Variants in FBXL20 observed in about 807,000 individuals in gnomAD.
FBXL20 encodes F-box and leucine rich repeat protein 20.
Under a neutral mutation model 64.0 loss-of-function variants are expected in FBXL20, and 11 were observed. The ratio of observed to expected loss-of-function variants is 0.17; its 90% CI spans 0.11 to 0.28. The LOEUF (loss-of-function observed/expected upper bound fraction) is 0.28. Ranked by LOEUF, FBXL20 falls within the 10% of genes least tolerant of loss-of-function variation. FBXL20 has a pLI of 1.00. For synonymous variants in FBXL20, 184 were observed against 189.0 expected (o/e 0.97, Z 0.22); for missense variants, 303 against 526.2 (o/e 0.58, Z 4.15).
At chr17:39,282,415 T>G (rs1459964554) in intron 8 of FBXL20, among the ~76,000 whole-genome samples, 1 of 152,214 alleles carries the variant, frequency 6.6e-6, no homozygotes, top group African/African-American at 2.4e-5. Flanking sequence ...TATCAGGCAG[T>G]GACAACAAGC....
At chr17:39,327,132 C>T (rs558531296) in intron 2 of FBXL20, among the ~76,000 whole-genome samples, 4 of 152,160 alleles carry the variant, frequency 2.6e-5, no homozygotes, top group East Asian at 1.9e-4. Flanking sequence ...ATGATCCACC[C>T]GCCTTGGCCT....
rs376122615 is a variant in FBXL20, at chr17:39,323,981, G to A, written c.104+19199C>T. ...GGGTTTCACCATGTTGGCCAGGCTG[G>A]TCTCGAACTCCTGACCTCGTGATCC... is the stretch of plus-strand genomic sequence containing the variant. On this transcript the variant is annotated intron_variant, in intron 2 of 14. Coordinates refer to ENST00000264658, the MANE Select transcript of FBXL20 (RefSeq NM_032875.3). Among the ~76,000 whole-genome samples, 18 of 147,150 alleles carry A rather than the reference G, an allele frequency of 1.2e-4. No individual in the cohort carries two copies. In the South Asian group the frequency reaches 2.1e-3, roughly 17 times the overall value.
intron 9 of FBXL20, among the ~76,000 whole-genome samples, chr17:39,280,791 GTCTCAC>G (rs1450558864): frequency 1.3e-5 from 2 of 151,962 alleles, no homozygotes; most frequent in Non-Finnish European, 2.9e-5. Context: ...TTGAGACAAG[GTCTCAC>G]TCTGTTGCCC....
intron 1 of FBXL20, among the ~76,000 whole-genome samples, chr17:39,390,637 G>C (rs1270732808): frequency 6.6e-6 from 1 of 152,076 alleles, no homozygotes; most frequent in Non-Finnish European, 1.5e-5. Flanking sequence ...AGAGGTGGGA[G>C]GATGGCCTGG....
chr17:39,401,371 C>T lies in FBXL20; in HGVS notation c.32G>A (p.Ser11Asn), dbSNP rs748748884. Residue 11 changes from serine (S) to asparagine (N), a missense_variant, in exon 1 of 15, where the codon AGC becomes AAC. Coordinates refer to ENST00000264658, the MANE Select transcript of FBXL20 (RefSeq NM_032875.3). Reference sequence around the variant, plus strand: ...CCCCCAAGCTCACACCTCAAACCTGCTCTTGGTCACTCCGTTCACGTCCCT... The same window carrying T: ...CCCCCAAGCTCACACCTCAAACCTGTTCTTGGTCACTCCGTTCACGTCCCT... MRRDVNGVTK[S>N]RFEMFSNSDE... 1.9e-6 allele frequency: 3 copies of T among 1,612,848 alleles called. No individual in the cohort carries two copies. Among genetic ancestry groups the T allele is most frequent in the East Asian group, 2.2e-5 (1 of 44,820 alleles).
intron 1 of FBXL20, among the ~76,000 whole-genome samples, chr17:39,379,394 T>A (rs2048000992): frequency 6.6e-6 from 1 of 150,478 alleles, no homozygotes; most frequent in East Asian, 1.9e-4. Context: ...AATTCTAACT[T>A]TGGGAGGCTG....
At chr17:39,280,351 G>A (rs549425280) in intron 9 of FBXL20, among the ~76,000 whole-genome samples, 2 of 147,186 alleles carry the variant, frequency 1.4e-5, no homozygotes, top group East Asian at 2.0e-4. Context: ...GCAGTGAGCC[G>A]AGATAGCGTC....
intron 1 of FBXL20, among the ~76,000 whole-genome samples, chr17:39,399,253 GTTCT>G (rs1454208634): frequency 1.3e-5 from 2 of 152,118 alleles, no homozygotes; most frequent in African/African-American, 2.4e-5. Flanking sequence ...AAAATTATCA[GTTCT>G]TTAAGAAGCA....
At chr17:39,266,410 GGGTTACA>G (rs1388927400) in intron 12 of FBXL20, among the ~76,000 whole-genome samples, 1 of 152,030 alleles carries the variant, frequency 6.6e-6, no homozygotes, top group Admixed American at 6.6e-5. Context: ...AGTAGAGATG[GGGTTACA>G]CCATGTTGGC....
intron 6 of FBXL20, among the ~76,000 whole-genome samples, chr17:39,291,757 G>A (rs2047041715): frequency 6.6e-6 from 1 of 152,028 alleles, no homozygotes; most frequent in South Asian, 2.1e-4. Context: ...TCTAATATTA[G>A]CATTTGATGC....
chr17:39,259,994 A>G lies in FBXL20; in HGVS notation c.*1466T>C, dbSNP rs1023077776. On this transcript the variant is annotated 3_prime_UTR_variant, in exon 15 of 15. Transcript: ENST00000264658. ...GAGAACCCGTCTTAAAAAAAAAAAA[A>G]AAAAAAAAAAAAGACTGGGGCAGAA... 9 of 151,556 alleles carry G rather than the reference A, an allele frequency of 5.9e-5. No individual in the cohort carries two copies. The highest frequency in any genetic ancestry group is 2.2e-4 in the African/African-American group (9 of 41,236). The allele number at this position is 151,556 out of a possible 1,614,324, so 9.4% of individuals were successfully genotyped here.
intron 1 of FBXL20, among the ~76,000 whole-genome samples, chr17:39,353,770 G>A (rs980185959): frequency 6.6e-6 from 1 of 151,790 alleles, no homozygotes; most frequent in African/African-American, 2.4e-5. Flanking sequence ...TTACAGACAC[G>A]CGCCACCACA....
At position 39,261,144 on chromosome 17, in the gene FBXL20, G is replaced by T. The variant is rs763200181; in HGVS notation, c.*316C>A. ...TTAAAAACCACAGTAGCATTAACAC[G>T]GGGTTTGCTGGAATGCCCCTCCCTA... is the stretch of plus-strand genomic sequence containing the variant. On this transcript the variant is annotated 3_prime_UTR_variant, in exon 15 of 15. Coordinates refer to ENST00000264658, the MANE Select transcript of FBXL20 (RefSeq NM_032875.3). The T allele has an allele frequency of 3.6e-6, 1 of 274,418 alleles. No homozygotes were observed. 17.0% of individuals were successfully genotyped at this position (274,418 alleles called of 1,614,324 possible).
intron 13 of FBXL20, 57 bp from the exon 14 acceptor site, chr17:39,264,444 C>G: frequency 6.4e-7 from 1 of 1,574,576 alleles, no homozygotes; most frequent in East Asian, 2.3e-5. Flanking sequence ...TTCCTCTAGC[C>G]AGAGGCTTGT....
upstream of FBXL20, chr17:39,402,117 C>T: frequency 1.6e-6 from 2 of 1,224,854 alleles, no homozygotes; most frequent in East Asian, 6.3e-5. Context: ...TCCCCAGGAT[C>T]CTGTAAGGCA....
At chr17:39,263,318 C>T (rs1046699622) in intron 14 of FBXL20, among the ~76,000 whole-genome samples, 18 of 152,132 alleles carry the variant, frequency 1.2e-4, no homozygotes, top group Non-Finnish European at 2.9e-5. Context: ...AGTTTGAAAC[C>T]GGCCTGGGCA....
intron 1 of FBXL20, among the ~76,000 whole-genome samples, chr17:39,364,066 T>TTTTAGTACAGACGGGGTTTC (rs1266646554): frequency 1.3e-5 from 2 of 151,786 alleles, no homozygotes; most frequent in Admixed American, 1.3e-4. Flanking sequence ...GTTTTTGTAT[T>TTTTAGTACAGACGGGGTTTC]TTTAGTACAG....
At chr17:39,327,900 G>T (rs1160085341) in intron 2 of FBXL20, among the ~76,000 whole-genome samples, 1 of 152,006 alleles carries the variant, frequency 6.6e-6, no homozygotes, top group Non-Finnish European at 1.5e-5. Flanking sequence ...TGTCTTATGA[G>T]AAAGTCTAGA....
At chr17:39,298,954 T>C (rs2047110472) in intron 5 of FBXL20, 36 bp downstream of exon 5, 1 of 1,539,304 alleles carries the variant, frequency 6.5e-7, no homozygotes, top group Non-Finnish European at 9.0e-7. Context: ...GCTCTTCACT[T>C]CCATCAAGAA....
Sources: gnomAD v4.1 joint callset for allele counts (sites outside exome capture counted in the v4.1 genomes callset) on GRCh38, gnomAD v4.1.1 for gene constraint, MANE v1.5 for transcripts, NCBI Gene and HGNC (gene_info 2026-07-23, HGNC 2026-07-21) for gene names.